Variants in TMEM132B observed in about 807,000 individuals in gnomAD.
TMEM132B encodes the protein transmembrane protein 132B.
TMEM132B carries 18 observed loss-of-function variants against 90.8 expected under a neutral mutation model. The observed-to-expected ratio is 0.20, with a 90% CI of 0.14 to 0.29. The LOEUF is 0.29. Among genes scored for constraint, TMEM132B ranks in the 10% least tolerant of loss-of-function variants. The pLI is 1.00. For synonymous variants in TMEM132B, 504 were observed against 523.3 expected (o/e 0.96, Z 0.50); for missense variants, 1,096 against 1,326.8 (o/e 0.83, Z 2.70).
chr12:125,354,707 C>T (rs888464000), intron 2 of TMEM132B, among the ~76,000 whole-genome samples: 5 of 152,314 alleles, frequency 3.3e-5, no homozygotes, highest in East Asian at 1.9e-4. Flanking sequence ...CCTCCATTAT[C>T]GCTGGCATTA....
At chr12:125,392,630 C>T (rs956967748) in intron 2 of TMEM132B, among the ~76,000 whole-genome samples, 17 of 152,276 alleles carry the variant, frequency 1.1e-4, no homozygotes, top group Admixed American at 4.6e-4. Flanking sequence ...GGCACTGCAC[C>T]TGACCAACAG....
intron 4 of TMEM132B, among the ~76,000 whole-genome samples, chr12:125,575,991 C>A (rs185937767): frequency 6.6e-6 from 1 of 152,052 alleles, no homozygotes; most frequent in African/African-American, 2.4e-5. Context: ...AATTTTAACA[C>A]TAGCTTGTGT....
At chr12:125,612,503 AT>A (rs1410964324) in intron 5 of TMEM132B, among the ~76,000 whole-genome samples, 1 of 141,786 alleles carries the variant, frequency 7.1e-6, no homozygotes, top group Non-Finnish European at 1.5e-5. Flanking sequence ...AAATAAAAAA[AT>A]GACCAATACA....
At position 125,309,770 on chromosome 12, in the gene TMEM132B, A is replaced by G. The variant is rs530659802; in HGVS notation, c.68-39682A>G. 2.0e-5 allele frequency among the ~76,000 whole-genome samples: 3 copies of G among 152,336 alleles called. No individual in the cohort carries two copies. In the South Asian group the frequency reaches 6.2e-4, roughly 32 times the overall value. ...TTGTGTTCTTATGATCAATTGCTGC[A>G]TAACAAACTACCCCAAGACCTGGTG... On this transcript the variant is annotated intron_variant, in intron 1 of 8. Coordinates refer to ENST00000682704, the MANE Select transcript of TMEM132B (RefSeq NM_001366854.1).
At chr12:125,363,217 T>C (rs1033963222) in intron 2 of TMEM132B, among the ~76,000 whole-genome samples, 3 of 152,160 alleles carry the variant, frequency 2.0e-5, no homozygotes, top group Non-Finnish European at 4.4e-5. Flanking sequence ...AAATGAAGGC[T>C]CAATTGAACA....
chr12:125,299,654 C>T (rs1875767200), intron 1 of TMEM132B, among the ~76,000 whole-genome samples: 3 of 152,208 alleles, frequency 2.0e-5, no homozygotes, highest in Non-Finnish European at 4.4e-5. Context: ...ACCCAAAGCC[C>T]TGGGGCCACC....
intron 1 of TMEM132B, among the ~76,000 whole-genome samples, chr12:125,206,160 G>A (rs1382944466): frequency 6.6e-6 from 1 of 152,132 alleles, no homozygotes; most frequent in East Asian, 1.9e-4. Flanking sequence ...CTGGTGGGAT[G>A]GTATTCCTTT....
In TMEM132B at chr12:125,298,648, G is replaced by A. The variant is rs1287710791; in HGVS notation, c.68-50804G>A. ...GAGATCGCGTCACTGCACTCCAGCC[G>A]GGGCGACAGAGTGAGACTCTGTCTC... On this transcript the variant is annotated intron_variant, in intron 1 of 8. Coordinates refer to ENST00000682704, the MANE Select transcript of TMEM132B (RefSeq NM_001366854.1). 7.6e-5 allele frequency among the ~76,000 whole-genome samples: 10 copies of A among 131,012 alleles called. No individual in the cohort carries two copies. In the South Asian group the frequency reaches 2.2e-3, roughly 29 times the overall value. 85.9% of individuals were successfully genotyped at this position (131,012 alleles called of 152,430 possible).
At chr12:125,346,234 G>T (rs1292848368) in intron 1 of TMEM132B, among the ~76,000 whole-genome samples, 1 of 151,954 alleles carries the variant, frequency 6.6e-6, no homozygotes. Context: ...ATTTTTGAGA[G>T]GTATAAAATA....
chr12:125,226,745 G>T (rs528333969), intron 1 of TMEM132B, among the ~76,000 whole-genome samples: 2 of 152,182 alleles, frequency 1.3e-5, no homozygotes, highest in Admixed American at 6.5e-5. Context: ...ACGTGTCAGG[G>T]TTTATTGGAT....
At chr12:125,303,068 G>A (rs1477412389) in intron 1 of TMEM132B, among the ~76,000 whole-genome samples, 1 of 152,064 alleles carries the variant, frequency 6.6e-6, no homozygotes, top group African/African-American at 2.4e-5. Context: ...CTGCACTCCA[G>A]CCTGGGGACA....
At chr12:125,238,758 T>C (rs1461138060) in intron 1 of TMEM132B, among the ~76,000 whole-genome samples, 1 of 152,196 alleles carries the variant, frequency 6.6e-6, no homozygotes, top group Admixed American at 6.5e-5. Context: ...TTATTTCCTC[T>C]CAAAACCCTG....
intron 1 of TMEM132B, among the ~76,000 whole-genome samples, chr12:125,195,897 T>G (rs1057415615): frequency 6.6e-6 from 1 of 152,086 alleles, no homozygotes; most frequent in Non-Finnish European, 1.5e-5. Flanking sequence ...GTTCCCTCAC[T>G]CTTTGGGCTG....
intron 1 of TMEM132B, among the ~76,000 whole-genome samples, chr12:125,318,996 G>A (rs1593082623): frequency 6.6e-6 from 1 of 152,192 alleles, no homozygotes; most frequent in South Asian, 2.1e-4. Flanking sequence ...GGGGTCCCCC[G>A]GTTGTCCCCA....
intron 1 of TMEM132B, among the ~76,000 whole-genome samples, chr12:125,345,783 G>A (rs1251024129): frequency 1.3e-5 from 2 of 152,010 alleles, no homozygotes; most frequent in Non-Finnish European, 2.9e-5. Context: ...CTGCTCTCAG[G>A]GCCCACCTCG....
chr12:125,592,014 A>C (rs1421985816), intron 5 of TMEM132B, among the ~76,000 whole-genome samples: 1 of 152,026 alleles, frequency 6.6e-6, no homozygotes, highest in Non-Finnish European at 1.5e-5. Flanking sequence ...TAAGGTAGAT[A>C]TTTTCAAGTT....
At chr12:125,322,489 G>A (rs3843671) in intron 1 of TMEM132B, among the ~76,000 whole-genome samples, 43,646 of 152,102 alleles carry the variant, frequency 0.29, 6,516 homozygotes, top group African/African-American at 0.36. Context: ...AGACAAATGC[G>A]GATTAATAGT....
At chr12:125,265,402 A>G (rs1228203000) in intron 1 of TMEM132B, among the ~76,000 whole-genome samples, 1 of 152,118 alleles carries the variant, frequency 6.6e-6, no homozygotes, top group Non-Finnish European at 1.5e-5. Context: ...CCACAATTAT[A>G]ACAATATACT....
At chr12:125,331,952 G>C (rs1342581810) in intron 1 of TMEM132B, among the ~76,000 whole-genome samples, 1 of 151,950 alleles carries the variant, frequency 6.6e-6, no homozygotes, top group Non-Finnish European at 1.5e-5. Flanking sequence ...TAGAGCTGAG[G>C]TCTCACTTGT....
Sources: allele counts gnomAD v4.1 joint callset (sites outside exome capture counted in the v4.1 genomes callset), GRCh38; gene constraint gnomAD v4.1.1; transcripts MANE v1.5; gene names NCBI Gene and HGNC (gene_info 2026-07-23, HGNC 2026-07-21).